Variants in KHDRBS2 observed in about 807,000 individuals in gnomAD.
KHDRBS2 encodes the protein KH RNA binding domain containing, signal transduction associated 2, also known as KH domain-containing, RNA-binding, signal transduction-associated protein 2.
KHDRBS2 carries 26 observed loss-of-function variants against 44.3 expected under a neutral mutation model. The observed-to-expected ratio is 0.59, with a 90% CI of 0.43 to 0.81. The LOEUF is 0.81. Ranked by LOEUF, KHDRBS2 falls within the 40% of genes least tolerant of loss-of-function variation. The probability of loss-of-function intolerance (pLI) is 0.00; values close to 1 mark genes in which losing one functional copy is unlikely to be tolerated. For missense variants in KHDRBS2, 476 were observed against 433.1 expected (o/e 1.10, Z -0.88); for synonymous variants, 194 against 151.1 (o/e 1.28, Z -2.08).
chr6:61,894,839 A>T lies in KHDRBS2; in HGVS notation c.612-6T>A, dbSNP rs774570275. ...GAATGGCACCCCCACGGCCCCTAAGAGAAACAAGTCATGTATAGATGAGAA... is the reference window on the plus strand; with the variant it reads ...GAATGGCACCCCCACGGCCCCTAAGTGAAACAAGTCATGTATAGATGAGAA... On this transcript the variant is annotated splice_polypyrimidine_tract_variant and splice_region_variant and intron_variant, in intron 5 of 8. Coordinates refer to ENST00000281156, the MANE Select transcript of KHDRBS2 (RefSeq NM_152688.4). 5 of 1,608,624 alleles carry T rather than the reference A, an allele frequency of 3.1e-6. No individual in the cohort carries two copies. The East Asian group carries it at 1.1e-4, about 36-fold the overall frequency.
chr6:61,949,699 T>C lies in KHDRBS2; in HGVS notation c.483+28367A>G, dbSNP rs570584991. Among the ~76,000 whole-genome samples, 20 of 152,190 alleles carry C rather than the reference T, an allele frequency of 1.3e-4. No individual in the cohort carries two copies. The South Asian group carries it at 2.3e-3, about 17-fold the overall frequency. On this transcript the variant is annotated intron_variant, in intron 4 of 8. Transcript: ENST00000281156. ...TTATTTATAGATTTATGTTTATAGA[T>C]AGTATTGTTTTTGTGTATTTGTATA... is the stretch of plus-strand genomic sequence containing the variant.
the KHDRBS2 span, among the ~76,000 whole-genome samples, chr6:61,587,252 A>G: frequency 2.0e-5 from 3 of 152,160 alleles, no homozygotes; most frequent in Non-Finnish European, 4.4e-5. Context: ...CAAATATACT[A>G]GCATGCGTAT....
chr6:61,911,341 G>C (rs1404218031), intron 4 of KHDRBS2, among the ~76,000 whole-genome samples: 1 of 152,150 alleles, frequency 6.6e-6, no homozygotes, highest in Non-Finnish European at 1.5e-5. Flanking sequence ...ACTAATGTAG[G>C]TTCTGGGGAG....
chr6:61,633,221 CA>C, the KHDRBS2 span, among the ~76,000 whole-genome samples: 8 of 151,748 alleles, frequency 5.3e-5, no homozygotes, highest in East Asian at 1.9e-4. Context: ...AATAGAGAAA[CA>C]GGGGGGGAAA....
chr6:61,783,699 TAAGA>T (rs1783374894), intron 6 of KHDRBS2, among the ~76,000 whole-genome samples: 1 of 151,984 alleles, frequency 6.6e-6, no homozygotes, highest in Non-Finnish European at 1.5e-5. Context: ...CACCATCTCT[TAAGA>T]AAAAGGTGAA....
intron 3 of KHDRBS2, among the ~76,000 whole-genome samples, chr6:61,985,416 AG>A: frequency 6.6e-6 from 1 of 152,340 alleles, no homozygotes; most frequent in Middle Eastern, 3.4e-3. Context: ...AGCCTTGACC[AG>A]AAGTTAAAAG....
the KHDRBS2 span, among the ~76,000 whole-genome samples, chr6:61,666,941 T>C: frequency 6.7e-6 from 1 of 149,494 alleles, no homozygotes; most frequent in Non-Finnish European, 1.5e-5. Context: ...TTTAGTAAAT[T>C]AAATTAAGAT....
intron 6 of KHDRBS2, among the ~76,000 whole-genome samples, chr6:61,826,335 G>A (rs1276368948): frequency 2.0e-5 from 3 of 152,064 alleles, no homozygotes; most frequent in Non-Finnish European, 4.4e-5. Context: ...AGAAATCAGA[G>A]GGAAGGAAGG....
rs370479803 is a variant in KHDRBS2, at chr6:62,087,857, G to A, written c.220-39863C>T. ...TCAAATGTAGGTTTAGTTTTTTCAC[G>A]TAGTCCCATATTTCTTGGAGGCTTT... is the stretch of plus-strand genomic sequence containing the variant. On this transcript the variant is annotated intron_variant, in intron 2 of 8. Coordinates refer to ENST00000281156, the MANE Select transcript of KHDRBS2 (RefSeq NM_152688.4). Among the ~76,000 whole-genome samples the A allele has an allele frequency of 7.9e-5, 12 of 152,190 alleles. No homozygotes were observed. The South Asian group carries it at 1.7e-3, about 21-fold the overall frequency.
chr6:61,885,725 C>T (rs1336346857), intron 6 of KHDRBS2, among the ~76,000 whole-genome samples: 20 of 152,134 alleles, frequency 1.3e-4, no homozygotes, highest in Non-Finnish European at 2.8e-4. Flanking sequence ...GAGGATGTCA[C>T]CTGGGGATTG....
At chr6:61,600,683 C>G in the KHDRBS2 span, among the ~76,000 whole-genome samples, 11 of 152,076 alleles carry the variant, frequency 7.2e-5, no homozygotes, top group African/African-American at 2.7e-4. Flanking sequence ...AGGAGATCAG[C>G]CCCCTGCCCT....
At chr6:61,775,323 A>G (rs1781768057) in intron 6 of KHDRBS2, among the ~76,000 whole-genome samples, 1 of 152,126 alleles carries the variant, frequency 6.6e-6, no homozygotes, top group Non-Finnish European at 1.5e-5. Flanking sequence ...AATAAAGGGT[A>G]TTCAATTAGG....
intron 8 of KHDRBS2, among the ~76,000 whole-genome samples, chr6:61,691,194 G>A (rs1227307838): frequency 6.6e-6 from 1 of 152,086 alleles, no homozygotes; most frequent in Admixed American, 6.6e-5. Flanking sequence ...GGATTAAGGA[G>A]TGCATTATTC....
intron 4 of KHDRBS2, among the ~76,000 whole-genome samples, chr6:61,918,577 C>T (rs78634305): frequency 0.067 from 10,190 of 151,898 alleles, 413 homozygotes; most frequent in Middle Eastern, 0.13. Context: ...AGGAAGAGAT[C>T]CCTCACCAGA....
chr6:61,696,321 T>C (rs1472145852), intron 8 of KHDRBS2, among the ~76,000 whole-genome samples: 1 of 152,020 alleles, frequency 6.6e-6, no homozygotes, highest in Non-Finnish European at 1.5e-5. Flanking sequence ...GGTGGCACGA[T>C]CTCGGCTCAC....
intron 6 of KHDRBS2, among the ~76,000 whole-genome samples, chr6:61,747,065 G>T (rs1776975690): frequency 6.6e-6 from 1 of 151,356 alleles, no homozygotes; most frequent in Admixed American, 6.6e-5. Context: ...ATCTAAAAGT[G>T]GACGAAGGAT....
At chr6:61,881,457 C>A (rs1583310129) in intron 6 of KHDRBS2, among the ~76,000 whole-genome samples, 1 of 151,916 alleles carries the variant, frequency 6.6e-6, no homozygotes, top group Admixed American at 6.6e-5. Flanking sequence ...GTAGTGAGGT[C>A]CATTAGATTA....
chr6:61,893,255 G>A (rs1390074417), intron 6 of KHDRBS2, among the ~76,000 whole-genome samples: 1 of 152,202 alleles, frequency 6.6e-6, no homozygotes, highest in African/African-American at 2.4e-5. Context: ...AACAACAGGT[G>A]CTGGAGAGGA....
rs1397626127 is a variant in KHDRBS2 at position 61,885,075 on chromosome 6, A to T, written c.810+9560T>A. ...TTTTCTAAACCTGAAAACACTATTA[A>T]CATCACAAAATCTAGAAAACAATAT... is the stretch of plus-strand genomic sequence containing the variant. On this transcript the variant is annotated intron_variant, in intron 6 of 8. Transcript: ENST00000281156. 2.6e-5 allele frequency among the ~76,000 whole-genome samples: 4 copies of T among 152,158 alleles called. No individual in the cohort carries two copies. The East Asian group carries it at 7.7e-4, about 29-fold the overall frequency.
Sources: gnomAD v4.1 joint callset for allele counts (sites outside exome capture counted in the v4.1 genomes callset) on GRCh38, gnomAD v4.1.1 for gene constraint, MANE v1.5 for transcripts, NCBI Gene and HGNC (gene_info 2026-07-23, HGNC 2026-07-21) for gene names.